The following TTC7A variants were observed in gnomAD, a reference collection of about 807,000 sequenced individuals.
TTC7A encodes the protein tetratricopeptide repeat domain 7A.
In TTC7A, 110 loss-of-function variants were observed where a neutral mutation model predicts 103.7. The ratio of observed to expected loss-of-function variants is 1.06; its 90% CI spans 0.91 to 1.24. TTC7A has a LOEUF of 1.24. TTC7A is among the 50% of genes most tolerant of loss of function. The pLI is 0.00. For synonymous variants in TTC7A, 521 were observed against 467.9 expected (o/e 1.11, Z -1.47); for missense variants, 1,340 against 1,116.3 (o/e 1.20, Z -2.86).
In TTC7A at chr2:47,075,110, C is replaced by T. The variant is rs1346805197; in HGVS notation, c.*1187C>T. The stretch of plus-strand genomic sequence containing the variant: ...TGGTTCATCATAGCTCCACCTTCCT[C>T]GGAAGGAGTGGGCTGTTGGAGACCC... On this transcript the variant is annotated 3_prime_UTR_variant, in exon 20 of 20. Transcript: ENST00000319190. 2.0e-5 allele frequency: 3 copies of T among 152,260 alleles called. No individual in the cohort carries two copies. Among genetic ancestry groups the T allele is most frequent in the East Asian group, 1.9e-4 (1 of 5,188 alleles). 9.4% of individuals were successfully genotyped at this position (152,260 alleles called of 1,614,324 possible).
chr2:47,074,201 G>A lies in TTC7A; in HGVS notation c.*278G>A. The stretch of plus-strand genomic sequence containing the variant: ...TTGCTCCCCAAGAGCTGGGCAGCGG[G>A]GAGCCTCACAGCTGTCCTTCACCCT... On this transcript the variant is annotated 3_prime_UTR_variant, in exon 20 of 20. Transcript: ENST00000319190. The A allele has an allele frequency of 2.0e-6, 1 of 490,188 alleles. No homozygotes were observed. The highest frequency in any genetic ancestry group is 2.2e-5 in the South Asian group (1 of 44,974). 30.4% of individuals were successfully genotyped at this position (490,188 alleles called of 1,614,324 possible).
intron 19 of TTC7A, among the ~76,000 whole-genome samples, chr2:47,070,196 T>TC (rs1684551253): frequency 6.6e-6 from 1 of 152,224 alleles, no homozygotes; most frequent in African/African-American, 2.4e-5. Flanking sequence ...AAGGCCCTTT[T>TC]CCCCTCATCC....
chr2:47,037,537 G>C (rs2104643441), intron 15 of TTC7A, among the ~76,000 whole-genome samples: 1 of 152,356 alleles, frequency 6.6e-6, no homozygotes, highest in South Asian at 2.1e-4. Context: ...GATAGCTCAA[G>C]ATCACATAGC....
At chr2:47,041,946 C>G (rs1024652352) in intron 15 of TTC7A, among the ~76,000 whole-genome samples, 3 of 151,870 alleles carry the variant, frequency 2.0e-5, no homozygotes, top group Non-Finnish European at 4.4e-5. Context: ...TAATTATATA[C>G]GTATGCACAG....
Position 46,994,418 on chromosome 2 carries a change from G to C in TTC7A, c.905G>C (p.Ser302Thr), listed in dbSNP as rs1237049282. 5 of 1,614,084 alleles carry C rather than the reference G, an allele frequency of 3.1e-6. No homozygotes were observed. The South Asian group carries it at 4.4e-5, about 14-fold the overall frequency. Residue 302 changes from serine (S) to threonine (T), a missense_variant, in exon 7 of 20, where the codon AGC (serine) becomes ACC (threonine). Transcript: ENST00000319190. Reference sequence around the variant, plus strand: ...TCCCTGAGTGAGGAGTGCTACTGGAGCCCCCTGTCCCACCCTCTGCCTGAG... The same window carrying C: ...TCCCTGAGTGAGGAGTGCTACTGGACCCCCCTGTCCCACCCTCTGCCTGAG... The part of the protein sequence containing the change: ...LHSLSEECYW[S>T]PLSHPLPEFM...
intron 3 of TTC7A, among the ~76,000 whole-genome samples, chr2:46,969,363 C>T (rs1166061285): frequency 2.6e-5 from 4 of 152,016 alleles, no homozygotes; most frequent in East Asian, 2.0e-4. Flanking sequence ...CAAAATTAGC[C>T]GAGCTTAGTG....
chr2:47,047,968 T>C (rs933433397), intron 16 of TTC7A, among the ~76,000 whole-genome samples: 2 of 152,014 alleles, frequency 1.3e-5, no homozygotes, highest in African/African-American at 4.8e-5. Flanking sequence ...ACACTGAGGG[T>C]AGAATCTAGT....
chr2:47,063,269 G>C (rs962530293), intron 19 of TTC7A, among the ~76,000 whole-genome samples: 4 of 152,174 alleles, frequency 2.6e-5, no homozygotes, highest in Non-Finnish European at 5.9e-5. Flanking sequence ...CCATAGTGTT[G>C]TTCTAATCAA....
intron 8 of TTC7A, chr2:46,999,815 T>A (rs1266565322): frequency 1.0e-6 from 1 of 985,350 alleles, no homozygotes; most frequent in Non-Finnish European, 1.2e-6. Context: ...GATCCCTGTT[T>A]CATTCAGCTG....
At chr2:46,948,779 T>C (rs1363233873) in intron 1 of TTC7A, among the ~76,000 whole-genome samples, 2 of 152,178 alleles carry the variant, frequency 1.3e-5, no homozygotes, top group Admixed American at 6.5e-5. Context: ...AGTTTTGGAC[T>C]AGTGGCTATG....
At chr2:46,981,095 G>C (rs1036437839) in intron 5 of TTC7A, among the ~76,000 whole-genome samples, 2 of 152,138 alleles carry the variant, frequency 1.3e-5, no homozygotes, top group Admixed American at 6.5e-5. Context: ...TTGGCCACTG[G>C]TGATCAGCTC....
chr2:47,030,243 C>T (rs1391262004), intron 15 of TTC7A, among the ~76,000 whole-genome samples: 2 of 152,218 alleles, frequency 1.3e-5, no homozygotes, highest in African/African-American at 4.8e-5. Context: ...CCTGGCTGCC[C>T]TGATAGGTGA....
intron 15 of TTC7A, among the ~76,000 whole-genome samples, chr2:47,042,049 C>T (rs1216937172): frequency 6.6e-6 from 1 of 152,032 alleles, no homozygotes; most frequent in Non-Finnish European, 1.5e-5. Context: ...ATTGGGGTTC[C>T]TGCGGGTGGT....
At position 46,932,952 on chromosome 2, in the gene TTC7A, C is replaced by T. The variant is rs1169442175; in HGVS notation, c.82+15675C>T. ...CAAAGATATATTTTAAGGCTCAAAA[C>T]TGCTATAATCTCTGAGTGGCCAGAC... is the stretch of plus-strand genomic sequence containing the variant. On this transcript the variant is annotated intron_variant, in intron 2 of 20. Transcript: ENST00000409245. Among the ~76,000 whole-genome samples the T allele has an allele frequency of 4.6e-5, 7 of 150,666 alleles. 1 individual carries two copies. The highest frequency in any genetic ancestry group is 1.7e-4 in the African/African-American group (7 of 40,950).
chr2:47,011,275 G>T (rs1678013918), intron 10 of TTC7A, 56 bp from the exon 11 acceptor site: 1 of 1,523,894 alleles, frequency 6.6e-7, no homozygotes, highest in South Asian at 1.2e-5. Context: ...CCCCACTGTG[G>T]GCCCTTGAGA....
In TTC7A at chr2:47,073,787, A is replaced by G. The variant is rs754869776; in HGVS notation, c.2441A>G (p.Glu814Gly). 1 of 1,613,580 alleles carries G rather than the reference A, an allele frequency of 6.2e-7. No homozygotes were observed. The highest frequency in any genetic ancestry group is 8.5e-7 in the Non-Finnish European group (1 of 1,179,968). ...GTGGAGAGGCAGAGTACGTGCCACG[A>G]GGCGTGGCAGGGCCTGGGCGAGGTG... The part of the protein sequence containing the change: ...DAVERQSTCH[E>G]AWQGLGEVLQ... The change falls in exon 20 of 20, where the codon GAG (glutamate) becomes GGG (glycine). Residue 814 changes from glutamate to glycine, a missense_variant. Glu to Gly is a moderately conservative substitution (Grantham distance 98, BLOSUM62 -2). Transcript: ENST00000319190.
chr2:46,955,711 C>G (rs1671795224), intron 2 of TTC7A, among the ~76,000 whole-genome samples: 1 of 152,206 alleles, frequency 6.6e-6, no homozygotes, highest in African/African-American at 2.4e-5. Flanking sequence ...TCTGAGAGGG[C>G]AGTAGATGGT....
intron 3 of TTC7A, among the ~76,000 whole-genome samples, chr2:46,965,563 A>ATTTTT (rs55634000): frequency 1.5e-4 from 20 of 135,430 alleles, no homozygotes; most frequent in Non-Finnish European, 2.7e-4. Context: ...CCCTGGATTC[A>ATTTTT]TTTTTTTTTT....
chr2:47,006,637 C>T lies in TTC7A; in HGVS notation c.1204-4C>T, dbSNP rs777846091. The T allele has an allele frequency of 1.9e-6, 3 of 1,613,660 alleles. No homozygotes were observed. Among genetic ancestry groups the T allele is most frequent in the Non-Finnish European group, 2.5e-6 (3 of 1,179,548 alleles). On this transcript the variant is annotated splice_region_variant and splice_polypyrimidine_tract_variant and intron_variant, in intron 9 of 19. Transcript: ENST00000319190. ...GGTAAATGCTGACTATCTCCCCTCC[C>T]CAGTGCCTGGAGCGAGCCATGAAGT...
Sources: gnomAD v4.1 joint callset for allele counts (sites outside exome capture counted in the v4.1 genomes callset) on GRCh38, gnomAD v4.1.1 for gene constraint, MANE v1.5 for transcripts, NCBI Gene and HGNC (gene_info 2026-07-23, HGNC 2026-07-21) for gene names.